Variants in PHF6 observed in about 807,000 individuals in gnomAD.
The protein encoded by PHF6 is PHD finger protein 6.
PHF6 carries 7 observed loss-of-function variants against 34.0 expected under a neutral mutation model. The ratio of observed to expected loss-of-function variants is 0.21; its 90% confidence interval spans 0.12 to 0.39. The LOEUF is 0.39. Ranked by LOEUF, PHF6 falls within the 10% of genes least tolerant of loss-of-function variation. The probability of loss-of-function intolerance (pLI) is 1.00; values close to 1 mark genes in which losing one functional copy is unlikely to be tolerated. For synonymous variants in PHF6, 89 were observed against 88.4 expected (o/e 1.01, Z -0.04); for missense variants, 128 against 262.8 (o/e 0.49, Z 3.55).
chrX:134,410,478 T>G (rs1473632891), intron 5 of PHF6, among the ~76,000 whole-genome samples: 1 of 111,600 alleles, frequency 9.0e-6, no homozygotes, highest in Non-Finnish European at 1.9e-5. Context: ...TAAACTATAC[T>G]TATTAACTAC....
At chrX:134,401,860 G>C (rs1054893246) in intron 5 of PHF6, among the ~76,000 whole-genome samples, 8 of 111,981 alleles carry the variant, frequency 7.1e-5, no homozygotes, top group African/African-American at 2.6e-4. Flanking sequence ...ATATAACTCA[G>C]TTTATGTTTC....
chrX:134,377,508 C>A, intron 1 of PHF6, 64 bp from the exon 2 acceptor site: 1 of 866,077 alleles, frequency 1.2e-6, no homozygotes, highest in Non-Finnish European at 1.6e-6. Flanking sequence ...TAACAACTTT[C>A]ATGAATATGT....
chrX:134,416,414 T>C (rs2077472675), intron 8 of PHF6, among the ~76,000 whole-genome samples: 1 of 111,791 alleles, frequency 8.9e-6, no homozygotes, highest in South Asian at 3.8e-4. Flanking sequence ...CTCTGTACCA[T>C]TGAGGATTGG....
In PHF6 at chrX:134,406,110, C is replaced by CT. The variant is rs761145296; in HGVS notation, c.419-7370dup. On this transcript the variant is annotated intron_variant, in intron 5 of 10. Coordinates refer to ENST00000370803, the MANE Select transcript of PHF6 (RefSeq NM_001015877.2). Reference sequence around the variant, plus strand: ...TCTTTCTTTCTTTCTTTCTTTCTTTCTTTTTTTTTTTACTCTGACAAACAT... The same window carrying CT: ...TCTTTCTTTCTTTCTTTCTTTCTTTCTTTTTTTTTTTTACTCTGACAAACAT... Among the ~76,000 whole-genome samples the CT allele has an allele frequency of 1.4e-4, 11 of 76,997 alleles. No individual in the cohort carries two copies. The South Asian group carries it at 4.1e-3, about 29-fold the overall frequency. 66.9% of individuals were successfully genotyped at this position (76,997 alleles called of 115,157 possible). A position where few individuals can be genotyped will look rare whatever the true frequency, so the allele number is the denominator to read the frequency against.
At chrX:134,393,829 T>C in intron 4 of PHF6, 80 bp from the exon 5 acceptor site, 1 of 925,624 alleles carries the variant, frequency 1.1e-6, no homozygotes, top group African/African-American at 1.9e-5. Context: ...TTGGGTGAAG[T>C]GTACTGCTCG....
At chrX:134,402,289 T>A (rs1024577131) in intron 5 of PHF6, among the ~76,000 whole-genome samples, 1 of 112,578 alleles carries the variant, frequency 8.9e-6, no homozygotes, top group Non-Finnish European at 1.9e-5. Context: ...CCACCGCACC[T>A]GGCCACAGTT....
In PHF6 at chrX:134,420,615, CAG is replaced by C. The variant is rs113041024; in HGVS notation, c.968+3314_968+3315del. Among the ~76,000 whole-genome samples, 809 of 110,250 alleles carry C rather than the reference CAG, an allele frequency of 7.3e-3. 5 individuals carry two copies. The highest frequency in any genetic ancestry group is 0.025 in the African/African-American group (771 of 30,341). The stretch of plus-strand genomic sequence containing the variant: ...TTGTTTTGGGGTGTGGTTGGGGAGA[CAG>C]GGTCTCACTCTGTCACCCAGGCTGG... On this transcript the variant is annotated intron_variant, in intron 9 of 10. Coordinates refer to ENST00000370803, the MANE Select transcript of PHF6 (RefSeq NM_001015877.2).
intron 5 of PHF6, among the ~76,000 whole-genome samples, chrX:134,411,275 T>C (rs901674313): frequency 2.7e-5 from 3 of 111,563 alleles, no homozygotes; most frequent in African/African-American, 6.5e-5. Flanking sequence ...TTTTAATTTA[T>C]ACTTTTCAGT....
At chrX:134,415,730 G>A (rs1429447516) in intron 8 of PHF6, among the ~76,000 whole-genome samples, 1 of 110,748 alleles carries the variant, frequency 9.0e-6, no homozygotes, top group Admixed American at 9.7e-5. Flanking sequence ...TACCGCAATT[G>A]GAAAGCCTAG....
At chrX:134,383,253 A>T (rs952118338) in intron 3 of PHF6, among the ~76,000 whole-genome samples, 12 of 108,057 alleles carry the variant, frequency 1.1e-4, no homozygotes, top group African/African-American at 2.7e-4. Flanking sequence ...AAAAAAAAAA[A>T]TTTTTTTTTG....
intron 3 of PHF6, among the ~76,000 whole-genome samples, chrX:134,393,129 T>C (rs957745272): frequency 8.9e-6 from 1 of 111,981 alleles, no homozygotes; most frequent in Non-Finnish European, 1.9e-5. Flanking sequence ...AAACTTTTTT[T>C]TTCTGGTATG....
chrX:134,402,473 C>T (rs1167962135), intron 5 of PHF6, among the ~76,000 whole-genome samples: 1 of 111,903 alleles, frequency 8.9e-6, no homozygotes, highest in Non-Finnish European at 1.9e-5. Flanking sequence ...AATCTTAGCT[C>T]TGCCACATCC....
chrX:134,414,150 T>G (rs1462756007), intron 7 of PHF6, among the ~76,000 whole-genome samples, 184 bp downstream of exon 7: 1 of 111,538 alleles, frequency 9.0e-6, no homozygotes. Context: ...TCCCAAATCT[T>G]AAGTTTAGAT....
intron 3 of PHF6, among the ~76,000 whole-genome samples, chrX:134,390,621 A>G (rs2077349217): frequency 1.8e-5 from 2 of 112,289 alleles, no homozygotes; most frequent in African/African-American, 6.5e-5. Flanking sequence ...AGCATTTACT[A>G]GAGTTTTCCT....
At chrX:134,387,485 G>A (rs1371810329) in intron 3 of PHF6, among the ~76,000 whole-genome samples, 5 of 111,013 alleles carry the variant, frequency 4.5e-5, no homozygotes, top group Admixed American at 9.6e-5. Flanking sequence ...TATAGCAAGC[G>A]GCATAGCAGT....
At chrX:134,411,603 T>C (rs2077451118) in intron 5 of PHF6, among the ~76,000 whole-genome samples, 1 of 111,576 alleles carries the variant, frequency 9.0e-6, no homozygotes. Flanking sequence ...ATTTTCATAA[T>C]AGATAACTGA....
intron 5 of PHF6, among the ~76,000 whole-genome samples, chrX:134,410,307 T>G (rs762902291): frequency 8.9e-6 from 1 of 111,928 alleles, no homozygotes; most frequent in East Asian, 2.8e-4. Context: ...CATCTATTGT[T>G]TTTTGACTCT....
chrX:134,402,237 G>C (rs753592135), intron 5 of PHF6, among the ~76,000 whole-genome samples: 1 of 112,020 alleles, frequency 8.9e-6, no homozygotes, highest in East Asian at 2.8e-4. Flanking sequence ...CTCGTGATCC[G>C]CCCACCTTGG....
At chrX:134,396,948 T>C (rs2077380094) in intron 5 of PHF6, among the ~76,000 whole-genome samples, 1 of 110,779 alleles carries the variant, frequency 9.0e-6, no homozygotes, top group African/African-American at 3.3e-5. Flanking sequence ...TTAATATCTA[T>C]GGTAATGTCT....
Sources: gnomAD v4.1 joint callset for allele counts (sites outside exome capture counted in the v4.1 genomes callset) on GRCh38, gnomAD v4.1.1 for gene constraint, MANE v1.5 for transcripts, NCBI Gene and HGNC (gene_info 2026-07-23, HGNC 2026-07-21) for gene names.